PIK3CA: variants seen among roughly 807,000 people sequenced by gnomAD.
PIK3CA encodes phosphatidylinositol 4,5-bisphosphate 3-kinase catalytic subunit alpha isoform.
A neutral mutation model predicts 138.2 loss-of-function variants in PIK3CA; 27 were observed. The observed-to-expected ratio is 0.20, with a 90% confidence interval of 0.14 to 0.27. The LOEUF is 0.27. Among genes scored for constraint, PIK3CA ranks in the 10% least tolerant of loss-of-function variants. The pLI, the probability that PIK3CA is intolerant of heterozygous loss-of-function variation, is 1.00. For synonymous variants in PIK3CA, 358 were observed against 413.2 expected (o/e 0.87, Z 1.62); for missense variants, 544 against 1,277.4 (o/e 0.43, Z 8.75).
Position 179,210,242 on chromosome 3 carries a change from A to C in PIK3CA, c.1308A>C (p.Leu436=). Residue 436 remains leucine, a synonymous_variant, in exon 8 of 21, where the codon CTA becomes CTC. Coordinates refer to ENST00000263967, the MANE Select transcript of PIK3CA (RefSeq NM_006218.4). ...NINLFDYTDT[L]VSGKMALNLW... ...ACTTGTTTGATTACACAGACACTCTAGTATCTGGAAAAATGGCTTTGAATC... is the reference window on the plus strand; with the variant it reads ...ACTTGTTTGATTACACAGACACTCTCGTATCTGGAAAAATGGCTTTGAATC... 6.3e-7 allele frequency: 1 copy of C among 1,597,406 alleles called. No homozygotes were observed. The highest frequency in any genetic ancestry group is 8.5e-7 in the Non-Finnish European group (1 of 1,175,664).
chr3:179,164,095 C>T (rs1027884663), intron 1 of PIK3CA, among the ~76,000 whole-genome samples: 6 of 151,766 alleles, frequency 4.0e-5, no homozygotes, highest in African/African-American at 1.2e-4. Flanking sequence ...CAATAATTTG[C>T]GGAAATGTTT....
chr3:179,187,537 CAAAAAA>C (rs375116506), intron 1 of PIK3CA, among the ~76,000 whole-genome samples: 1 of 63,342 alleles, frequency 1.6e-5, no homozygotes, highest in African/African-American at 6.3e-5. Flanking sequence ...GACTCCGCCT[CAAAAAA>C]AAAAAAAAAA....
At chr3:179,164,283 G>T (rs574440876) in intron 1 of PIK3CA, among the ~76,000 whole-genome samples, 10 of 152,208 alleles carry the variant, frequency 6.6e-5, no homozygotes, top group African/African-American at 2.4e-4. Context: ...TCTGTGCACC[G>T]CTATATTTCC....
intron 1 of PIK3CA, among the ~76,000 whole-genome samples, chr3:179,163,359 G>T (rs902901679): frequency 6.6e-6 from 1 of 152,026 alleles, no homozygotes; most frequent in Non-Finnish European, 1.5e-5. Context: ...TCATTCGTTC[G>T]ACTCTCAAAT....
rs2108386531 is a variant in PIK3CA at position 179,199,193 on chromosome 3, C to T, written c.352+16C>T. The stretch of plus-strand genomic sequence containing the variant: ...CGAGAAATTGGTATGATACAATATC[C>T]TATTCTAAAATGCAAATAACCATAA... On this transcript the variant is annotated intron_variant, in intron 2 of 20. Coordinates refer to ENST00000263967, the MANE Select transcript of PIK3CA (RefSeq NM_006218.4). 2 of 1,475,500 alleles carry T rather than the reference C, an allele frequency of 1.4e-6. No homozygotes were observed. The highest frequency in any genetic ancestry group is 1.4e-5 in the African/African-American group (1 of 70,928). 91.4% of individuals were successfully genotyped at this position (1,475,500 alleles called of 1,614,324 possible).
In PIK3CA at chr3:179,220,948, T is replaced by A; in HGVS notation, c.2016-38T>A. On this transcript the variant is annotated intron_variant, in intron 13 of 20. Coordinates refer to ENST00000263967, the MANE Select transcript of PIK3CA (RefSeq NM_006218.4). The surrounding 1 kb of genome is among the most constrained non-coding windows in gnomAD (Gnocchi z 4.1). Reference sequence around the variant, plus strand: ...GATTATTTGTATACTGATTTAAGACTATATATATATATTTTTAATTTTGCA... The same window carrying A: ...GATTATTTGTATACTGATTTAAGACAATATATATATATTTTTAATTTTGCA... 8.1e-7 allele frequency: 1 copy of A among 1,241,246 alleles called. No homozygotes were observed. The highest frequency in any genetic ancestry group is 1.1e-6 in the Non-Finnish European group (1 of 900,730). The allele number at this position is 1,241,246 out of a possible 1,614,324, so 76.9% of individuals were successfully genotyped here. A position where few individuals can be genotyped will look rare whatever the true frequency, so the allele number is the denominator to read the frequency against.
rs1724345810 is a variant in PIK3CA at position 179,199,192 on chromosome 3, C to T, written c.352+15C>T. 1 of 1,478,120 alleles carries T rather than the reference C, an allele frequency of 6.8e-7. No individual in the cohort carries two copies. The highest frequency in any genetic ancestry group is 9.1e-7 in the Non-Finnish European group (1 of 1,095,598). 91.6% of individuals were successfully genotyped at this position (1,478,120 alleles called of 1,614,324 possible). On this transcript the variant is annotated intron_variant, in intron 2 of 20. Coordinates refer to ENST00000263967, the MANE Select transcript of PIK3CA (RefSeq NM_006218.4). ...TCGAGAAATTGGTATGATACAATAT[C>T]CTATTCTAAAATGCAAATAACCATA... is the stretch of plus-strand genomic sequence containing the variant.
chr3:179,158,231 A>G (rs1723186928), intron 1 of PIK3CA, among the ~76,000 whole-genome samples: 1 of 152,146 alleles, frequency 6.6e-6, no homozygotes, highest in Admixed American at 6.5e-5. Context: ...ATTTCATTCT[A>G]GCTCTAGGAA....
In PIK3CA at chr3:179,190,410, G is replaced by T. The variant is rs1044125417; in HGVS notation, c.-76-8340G>T. Among the ~76,000 whole-genome samples the T allele has an allele frequency of 2.6e-5, 4 of 151,554 alleles. No individual in the cohort carries two copies. In the Middle Eastern group the frequency reaches 0.01, roughly 387 times the overall value. ...AGATAATTTTAATGAGTATGTTGAG[G>T]TACAGTTATAGAAATACATATAAAA... On this transcript the variant is annotated intron_variant, in intron 1 of 20. Coordinates refer to ENST00000263967, the MANE Select transcript of PIK3CA (RefSeq NM_006218.4).
At chr3:179,148,657 T>TGGGTGCCGGAGACTCCCGGGC (rs1722920191) in intron 1 of PIK3CA, 54 bp downstream of exon 1, 1 of 151,860 alleles carries the variant, frequency 6.6e-6, no homozygotes, top group Non-Finnish European at 1.5e-5. Context: ...GGGGACCGGG[T>TGGGTGCCGGAGACTCCCGGGC]GGGTGCCGGA....
At chr3:179,163,002 A>G (rs1042744029) in intron 1 of PIK3CA, among the ~76,000 whole-genome samples, 1 of 152,218 alleles carries the variant, frequency 6.6e-6, no homozygotes, top group African/African-American at 2.4e-5. Flanking sequence ...AAAATATACA[A>G]TACAATTAGA....
chr3:179,184,739 A>G (rs1435774860), intron 1 of PIK3CA, among the ~76,000 whole-genome samples: 1 of 152,176 alleles, frequency 6.6e-6, no homozygotes. Context: ...CTCTGTGGAT[A>G]CCGACTGTTA....
intron 7 of PIK3CA, 130 bp downstream of exon 7, chr3:179,209,830 T>A (rs1724661779): frequency 2.1e-6 from 1 of 471,732 alleles, no homozygotes. Flanking sequence ...TTTTTAAAAT[T>A]TTAATAAATG....
At chr3:179,157,906 G>A (rs1035044640) in intron 1 of PIK3CA, among the ~76,000 whole-genome samples, 4 of 152,056 alleles carry the variant, frequency 2.6e-5, no homozygotes, top group East Asian at 1.9e-4. Flanking sequence ...TAAATGAGGG[G>A]TAATAACTAC....
intron 1 of PIK3CA, among the ~76,000 whole-genome samples, chr3:179,162,667 G>A (rs777958311): frequency 2.0e-5 from 3 of 151,788 alleles, no homozygotes; most frequent in African/African-American, 4.8e-5. Flanking sequence ...TTTAGAAAAC[G>A]GGAAAAAAAC....
intron 1 of PIK3CA, among the ~76,000 whole-genome samples, chr3:179,186,702 T>C (rs530783980): frequency 2.0e-5 from 3 of 152,360 alleles, no homozygotes; most frequent in Non-Finnish European, 4.4e-5. Context: ...TATAAACTTG[T>C]TGTAAAGAGT....
At chr3:179,217,755 GA>G (rs2108407350) in intron 9 of PIK3CA, among the ~76,000 whole-genome samples, 1 of 152,028 alleles carries the variant, frequency 6.6e-6, no homozygotes, top group East Asian at 1.9e-4. Flanking sequence ...TTTTAAATTT[GA>G]AAGCTTTGCA....
chr3:179,213,387 A>G (rs149523073), intron 9 of PIK3CA, among the ~76,000 whole-genome samples: 1 of 152,260 alleles, frequency 6.6e-6, no homozygotes, highest in East Asian at 1.9e-4. Flanking sequence ...AACAATGTAC[A>G]TACTTTAAAA....
intron 1 of PIK3CA, among the ~76,000 whole-genome samples, chr3:179,152,310 G>A (rs1014322028): frequency 4.6e-5 from 7 of 152,104 alleles, no homozygotes; most frequent in Non-Finnish European, 8.8e-5. Context: ...GAAATAAGGA[G>A]ACTTGAATTC....
Sources: gnomAD v4.1 joint callset for allele counts (sites outside exome capture counted in the v4.1 genomes callset) on GRCh38, gnomAD v4.1.1 for gene constraint, Gnocchi (gnomAD v3.1) non-coding constraint, MANE v1.5 for transcripts, NCBI Gene and HGNC (gene_info 2026-07-23, HGNC 2026-07-21) for gene names.